The following MMP16 variants were observed in gnomAD, a reference collection of about 807,000 sequenced individuals.
MMP16 encodes matrix metallopeptidase 16.
MMP16 carries 12 observed loss-of-function variants against 67.8 expected under a neutral mutation model. The ratio of observed to expected loss-of-function variants is 0.18; its 90% CI spans 0.11 to 0.29. The LOEUF is 0.29. Ranked by LOEUF, MMP16 falls within the 10% of genes least tolerant of loss-of-function variation. The probability of loss-of-function intolerance (pLI) is 1.00; values close to 1 mark genes in which losing one functional copy is unlikely to be tolerated. For synonymous variants in MMP16, 249 were observed against 255.9 expected, an observed-to-expected ratio of 0.97 and a Z score of 0.26; for missense variants, 475 against 765.7, an observed-to-expected ratio of 0.62 and a Z score of 4.48.
At chr8:88,313,344 T>G (rs1811326474) in intron 1 of MMP16, among the ~76,000 whole-genome samples, 1 of 152,220 alleles carries the variant, frequency 6.6e-6, no homozygotes, top group African/African-American at 2.4e-5. Flanking sequence ...TACAGAATCT[T>G]AGGTTGAGAG....
chr8:88,062,138 A>G (rs1808407161), intron 7 of MMP16, among the ~76,000 whole-genome samples: 1 of 152,106 alleles, frequency 6.6e-6, no homozygotes, highest in African/African-American at 2.4e-5. Flanking sequence ...GAGAAAATAC[A>G]ATTATACAAT....
At chr8:88,191,668 C>T (rs576400363) in intron 2 of MMP16, among the ~76,000 whole-genome samples, 2 of 152,264 alleles carry the variant, frequency 1.3e-5, no homozygotes, top group Admixed American at 1.3e-4. Context: ...CACACACACA[C>T]AGACACACAC....
At chr8:88,252,220 A>G (rs921298960) in intron 1 of MMP16, among the ~76,000 whole-genome samples, 20 of 151,886 alleles carry the variant, frequency 1.3e-4, no homozygotes, top group African/African-American at 4.1e-4. Context: ...CATTATTCAC[A>G]ATAGCAAAGA....
chr8:88,199,696 GATATAA>G (rs1380593596), intron 1 of MMP16, among the ~76,000 whole-genome samples: 1 of 151,880 alleles, frequency 6.6e-6, no homozygotes, highest in East Asian at 1.9e-4. Flanking sequence ...TAAATTTTGA[GATATAA>G]ATATATATGT....
chr8:88,197,928 TA>T, intron 1 of MMP16, among the ~76,000 whole-genome samples: 1 of 152,312 alleles, frequency 6.6e-6, no homozygotes, highest in Middle Eastern at 3.4e-3. Context: ...CACTTTAATC[TA>T]AATCACACAA....
At chr8:88,326,634 T>C (rs1811542823) in intron 1 of MMP16, among the ~76,000 whole-genome samples, 1 of 152,168 alleles carries the variant, frequency 6.6e-6, no homozygotes, top group South Asian at 2.1e-4. Context: ...TCTAGATTCT[T>C]TGATTTTTAA....
At chr8:88,216,616 T>G (rs1332260764) in intron 1 of MMP16, among the ~76,000 whole-genome samples, 1 of 152,154 alleles carries the variant, frequency 6.6e-6, no homozygotes, top group Non-Finnish European at 1.5e-5. Flanking sequence ...TTTCATAATC[T>G]TGACACTTCA....
At chr8:88,306,009 T>C (rs1241719723) in intron 1 of MMP16, among the ~76,000 whole-genome samples, 2 of 150,628 alleles carry the variant, frequency 1.3e-5, no homozygotes, top group African/African-American at 4.9e-5. Flanking sequence ...GTGTTTTTTT[T>C]TTTGAAAAAA....
chr8:88,177,439 G>A (rs1361661714), intron 3 of MMP16, among the ~76,000 whole-genome samples: 2 of 152,106 alleles, frequency 1.3e-5, no homozygotes, highest in Admixed American at 6.5e-5. Flanking sequence ...AAGAGCAAAA[G>A]CCTCTGAAGC....
chr8:88,263,803 G>A (rs184495182), intron 1 of MMP16, among the ~76,000 whole-genome samples: 32 of 144,938 alleles, frequency 2.2e-4, no homozygotes, highest in African/African-American at 7.7e-4. Flanking sequence ...CTGGGGTACT[G>A]GGGGTTGGGA....
chr8:88,067,120 C>T (rs1808473182), intron 7 of MMP16, among the ~76,000 whole-genome samples: 1 of 151,952 alleles, frequency 6.6e-6, no homozygotes, highest in Admixed American at 6.6e-5. Context: ...ATTAAATGTT[C>T]TTTCTACTAT....
intron 4 of MMP16, among the ~76,000 whole-genome samples, chr8:88,149,343 C>A (rs1300494516): frequency 1.3e-5 from 2 of 152,188 alleles, no homozygotes; most frequent in Non-Finnish European, 2.9e-5. Flanking sequence ...GAACCTCGAA[C>A]TGGGTGGAGC....
chr8:88,079,650 T>C (rs535041170), intron 6 of MMP16, among the ~76,000 whole-genome samples: 1 of 152,346 alleles, frequency 6.6e-6, no homozygotes, highest in East Asian at 1.9e-4. Flanking sequence ...CACTATGCTA[T>C]GATCTGAATG....
At chr8:88,325,297 A>C (rs576949342) in intron 1 of MMP16, among the ~76,000 whole-genome samples, 6 of 152,200 alleles carry the variant, frequency 3.9e-5, no homozygotes, top group African/African-American at 7.2e-5. Flanking sequence ...GTCTCACAAA[A>C]AATCTAATAA....
chr8:88,065,027 T>C (rs542340311), intron 7 of MMP16, among the ~76,000 whole-genome samples: 127 of 152,190 alleles, frequency 8.3e-4, no homozygotes, highest in Non-Finnish European at 1.6e-3. Context: ...CAAAGACTGA[T>C]CACAGCAGAG....
In MMP16 at chr8:88,034,299, C is replaced by T. The variant is rs1808025833; in HGVS notation, c.*7162G>A. On this transcript the variant is annotated 3_prime_UTR_variant, in exon 10 of 10. Coordinates refer to ENST00000286614, the MANE Select transcript of MMP16 (RefSeq NM_005941.5). The stretch of plus-strand genomic sequence containing the variant: ...GAAATGCAAATATAGACAGAGACTG[C>T]ATAGGACAACTCAATAAGATGTATC... The T allele has an allele frequency of 6.7e-6, 1 of 150,004 alleles. No individual in the cohort carries two copies. The highest frequency in any genetic ancestry group is 1.5e-5 in the Non-Finnish European group (1 of 67,626). The allele number at this position is 150,004 out of a possible 1,614,324, so 9.3% of individuals were successfully genotyped here. A position where few individuals can be genotyped will look rare whatever the true frequency, so the allele number is the denominator to read the frequency against.
chr8:88,112,183 T>A (rs905636619), intron 6 of MMP16, among the ~76,000 whole-genome samples: 2 of 143,146 alleles, frequency 1.4e-5, no homozygotes, highest in African/African-American at 2.5e-5. Context: ...GAAAGGCAAC[T>A]ATCCTTTTTT....
At chr8:88,284,541 G>A (rs151103581) in intron 1 of MMP16, among the ~76,000 whole-genome samples, 30 of 151,816 alleles carry the variant, frequency 2.0e-4, no homozygotes, top group Non-Finnish European at 3.8e-4. Flanking sequence ...CTAATTCAGT[G>A]CTCTTTTCAA....
intron 1 of MMP16, among the ~76,000 whole-genome samples, chr8:88,270,503 T>C (rs1267815409): frequency 1.3e-5 from 2 of 152,204 alleles, no homozygotes; most frequent in Middle Eastern, 3.2e-3. Context: ...TACAAAAATA[T>C]TCACAGATAT....
Sources: gnomAD v4.1 joint callset for allele counts (sites outside exome capture counted in the v4.1 genomes callset) on GRCh38, gnomAD v4.1.1 for gene constraint, MANE v1.5 for transcripts, NCBI Gene and HGNC (gene_info 2026-07-23, HGNC 2026-07-21) for gene names.